DOCK11: variants seen among roughly 807,000 people sequenced by gnomAD.
The protein encoded by DOCK11 is dedicator of cytokinesis protein 11.
DOCK11 carries 70 observed loss-of-function variants against 169.1 expected under a neutral mutation model. The observed-to-expected ratio is 0.41, with a 90% CI of 0.34 to 0.51. DOCK11 has a LOEUF of 0.51. DOCK11 is among the 20% of genes least tolerant of loss of function. DOCK11 has a pLI of 0.10. For synonymous variants in DOCK11, 529 were observed against 541.3 expected (o/e 0.98, Z 0.32); for missense variants, 1,166 against 1,538.8 (o/e 0.76, Z 4.05).
At chrX:118,647,973 TA>T (rs1569440989) in intron 40 of DOCK11, among the ~76,000 whole-genome samples, 5 of 38,254 alleles carry the variant, frequency 1.3e-4, no homozygotes, top group Non-Finnish European at 1.8e-4. Flanking sequence ...TATATAATTA[TA>T]TATAATATAT....
rs780078807 is a variant in DOCK11, at chrX:118,671,044, G to A, written c.5098G>A (p.Glu1700Lys). The A allele has an allele frequency of 5.8e-6, 7 of 1,197,839 alleles. No individual in the cohort carries two copies. In the South Asian group the frequency reaches 1.3e-4, roughly 22 times the overall value. Reference sequence around the variant, plus strand: ...GCAGGAGGTCTTGCTGGAGTTGCTAGAACAATGTGTGGATGGCTTATGGAA... The same window carrying A: ...GCAGGAGGTCTTGCTGGAGTTGCTAAAACAATGTGTGGATGGCTTATGGAA... Reference protein sequence around the residue: ...YSEEVLLELLEQCVDGLWKAE... With the variant: ...YSEEVLLELLKQCVDGLWKAE... The change falls in exon 46 of 53, where the codon GAA (glutamate) becomes AAA (lysine). Residue 1700 changes from glutamate (E) to lysine (K), a missense_variant. Coordinates refer to ENST00000276202, the MANE Select transcript of DOCK11 (RefSeq NM_144658.4).
At chrX:118,658,590 C>T (rs950837445) in intron 44 of DOCK11, among the ~76,000 whole-genome samples, 1 of 111,340 alleles carries the variant, frequency 9.0e-6, no homozygotes, top group Non-Finnish European at 1.9e-5. Flanking sequence ...CTCACCCTAC[C>T]CTCAAACTTC....
At chrX:118,670,732 G>A (rs889124371) in intron 45 of DOCK11, among the ~76,000 whole-genome samples, 3 of 111,181 alleles carry the variant, frequency 2.7e-5, no homozygotes, top group Admixed American at 9.5e-5. Context: ...ATTCTTTCTC[G>A]ATGTGTTAAC....
chrX:118,580,040 G>T (rs2013574723), intron 13 of DOCK11, 57 bp from the exon 14 acceptor site: 2 of 990,658 alleles, frequency 2.0e-6, no homozygotes, highest in Non-Finnish European at 2.7e-6. Context: ...TATTTTTCTG[G>T]GTGGGTCCAT....
intron 44 of DOCK11, among the ~76,000 whole-genome samples, chrX:118,659,088 C>A (rs2016151588): frequency 9.0e-6 from 1 of 111,610 alleles, no homozygotes; most frequent in African/African-American, 3.3e-5. Context: ...CTAGTCATAG[C>A]TTTTCCCCTT....
rs906977432 is a variant in DOCK11 at position 118,614,674 on chromosome X, T to C, written c.3097-18T>C. 16 of 1,085,204 alleles carry C rather than the reference T, an allele frequency of 1.5e-5. No homozygotes were observed. The African/African-American group carries it at 2.0e-4, about 14-fold the overall frequency. The allele number at this position is 1,085,204 out of a possible 1,213,427, so 89.4% of individuals were successfully genotyped here. A position where few individuals can be genotyped will look rare whatever the true frequency, so the allele number is the denominator to read the frequency against. ...AGAATTATGTAATTAACCCTTAGTT[T>C]TGTTTTGGTTTCTATAGCGCTGTTT... On this transcript the variant is annotated intron_variant, in intron 28 of 52. Coordinates refer to ENST00000276202, the MANE Select transcript of DOCK11 (RefSeq NM_144658.4).
At chrX:118,621,332 G>T (rs1352130762) in intron 31 of DOCK11, among the ~76,000 whole-genome samples, 1 of 112,111 alleles carries the variant, frequency 8.9e-6, no homozygotes, top group Admixed American at 9.5e-5. Context: ...GGCAGCCTGT[G>T]TAAGAGTTCA....
chrX:118,616,499 G>A (rs2014816326), intron 30 of DOCK11, among the ~76,000 whole-genome samples: 1 of 108,955 alleles, frequency 9.2e-6, no homozygotes, highest in African/African-American at 3.3e-5. Context: ...CAGCATAGAG[G>A]CCATGGATGG....
chrX:118,680,985 GT>G (rs1427190981), intron 49 of DOCK11, 72 bp from the exon 50 acceptor site: 2 of 974,515 alleles, frequency 2.1e-6, no homozygotes, highest in African/African-American at 2.0e-5. Context: ...GCACAATAGA[GT>G]TTTTTCTTTA....
chrX:118,657,917 A>G (rs2016117844), intron 44 of DOCK11, among the ~76,000 whole-genome samples: 1 of 111,236 alleles, frequency 9.0e-6, no homozygotes, highest in African/African-American at 3.3e-5. Flanking sequence ...AATTACTGCT[A>G]AAGGACTTAT....
chrX:118,568,581 T>C (rs1387138213), intron 10 of DOCK11, among the ~76,000 whole-genome samples: 1 of 107,686 alleles, frequency 9.3e-6, no homozygotes, highest in Non-Finnish European at 1.9e-5. Flanking sequence ...ATATGAGTCA[T>C]ATGAGACATT....
At chrX:118,593,102 T>C in intron 19 of DOCK11, 112 bp from the exon 20 acceptor site, 14 of 842,778 alleles carry the variant, frequency 1.7e-5, no homozygotes, top group Non-Finnish European at 2.2e-5. Flanking sequence ...TTTGGCCACT[T>C]GGCCAGTCCT....
intron 40 of DOCK11, among the ~76,000 whole-genome samples, chrX:118,644,828 A>C (rs752728435): frequency 2.7e-5 from 3 of 111,866 alleles, no homozygotes; most frequent in Non-Finnish European, 5.6e-5. Flanking sequence ...GAAGGGTTTT[A>C]AGCAGGGAAG....
intron 1 of DOCK11, among the ~76,000 whole-genome samples, chrX:118,498,242 C>CT (rs1475711758): frequency 3.6e-5 from 4 of 112,431 alleles, no homozygotes; most frequent in African/African-American, 1.3e-4. Flanking sequence ...ACACACAATG[C>CT]TAGATGCTCT....
At position 118,601,576 on chromosome X, in the gene DOCK11, A is replaced by G. The variant is rs61136247; in HGVS notation, c.2562+2348A>G. 2.8e-3 allele frequency among the ~76,000 whole-genome samples: 310 copies of G among 112,050 alleles called. 3 individuals carry two copies. The highest frequency in any genetic ancestry group is 9.3e-3 in the African/African-American group (288 of 30,854). ...TAAAAGTTTCAATCAAGTGGAATGG[A>G]AAAGAACATCATTTTCATATATACG... On this transcript the variant is annotated intron_variant, in intron 23 of 52. Coordinates refer to ENST00000276202, the MANE Select transcript of DOCK11 (RefSeq NM_144658.4).
chrX:118,607,277 C>A (rs1179594795), intron 24 of DOCK11, among the ~76,000 whole-genome samples: 1 of 102,670 alleles, frequency 9.7e-6, no homozygotes, highest in African/African-American at 3.6e-5. Context: ...CCACCACACC[C>A]AGCTAATTTT....
Position 118,579,440 on chromosome X carries a change from A to G in DOCK11, c.1513-657A>G, listed in dbSNP as rs1424612521. Among the ~76,000 whole-genome samples, 4 of 112,183 alleles carry G rather than the reference A, an allele frequency of 3.6e-5. No individual in the cohort carries two copies. In the East Asian group the frequency reaches 1.1e-3, roughly 31 times the overall value. On this transcript the variant is annotated intron_variant, in intron 13 of 52. Transcript: ENST00000276202. Reference sequence around the variant, plus strand: ...ATTTATGTACATCAATCTGTTGTACATGGCATTTTGTTGTATACCCAAATA... The same window carrying G: ...ATTTATGTACATCAATCTGTTGTACGTGGCATTTTGTTGTATACCCAAATA...
intron 10 of DOCK11, among the ~76,000 whole-genome samples, chrX:118,568,989 C>T (rs769107559): frequency 2.5e-4 from 27 of 107,961 alleles, no homozygotes; most frequent in African/African-American, 9.1e-4. Flanking sequence ...ACAGTTTTTT[C>T]TTCCACGAAA....
chrX:118,656,123 T>G (rs1263739987), intron 44 of DOCK11, among the ~76,000 whole-genome samples: 2 of 110,344 alleles, frequency 1.8e-5, no homozygotes, highest in Non-Finnish European at 3.8e-5. Flanking sequence ...AAACCCCATC[T>G]CTACAAAAAA....
Sources: gnomAD v4.1 joint callset for allele counts (sites outside exome capture counted in the v4.1 genomes callset) on GRCh38, gnomAD v4.1.1 for gene constraint, MANE v1.5 for transcripts, NCBI Gene and HGNC (gene_info 2026-07-23, HGNC 2026-07-21) for gene names.